The following RABGAP1L variants were observed in gnomAD, a reference collection of about 807,000 sequenced individuals.
RABGAP1L encodes rab GTPase-activating protein 1-like.
RABGAP1L carries 63 observed loss-of-function variants against 137.7 expected under a neutral mutation model. That is an observed-to-expected ratio of 0.46 (90% CI 0.37 to 0.56). RABGAP1L has a LOEUF of 0.56. Ranked by LOEUF, RABGAP1L falls within the 20% of genes least tolerant of loss-of-function variation. RABGAP1L has a pLI of 0.00. For missense variants in RABGAP1L, 1,095 were observed against 1,244.0 expected, an observed-to-expected ratio of 0.88 and a Z score of 1.80; for synonymous variants, 431 against 433.7, an observed-to-expected ratio of 0.99 and a Z score of 0.08.
chr1:174,612,217 T>C (rs1172859577), intron 13 of RABGAP1L, among the ~76,000 whole-genome samples: 2 of 152,222 alleles, frequency 1.3e-5, no homozygotes, highest in Admixed American at 6.5e-5. Flanking sequence ...CTTATTATTT[T>C]GAGATATGTC....
chr1:174,667,822 A>G (rs1417700653), intron 14 of RABGAP1L, among the ~76,000 whole-genome samples: 1 of 152,154 alleles, frequency 6.6e-6, no homozygotes, highest in Non-Finnish European at 1.5e-5. Context: ...TTCATTGTAC[A>G]TGTTGACCTC....
chr1:174,889,414 G>T (rs536557522), intron 19 of RABGAP1L, among the ~76,000 whole-genome samples: 2 of 151,862 alleles, frequency 1.3e-5, no homozygotes, highest in Non-Finnish European at 2.9e-5. Flanking sequence ...GAGCCACCGC[G>T]TCCGGCCCTG....
chr1:174,175,352 G>A, intron 1 of RABGAP1L, among the ~76,000 whole-genome samples: 1 of 152,120 alleles, frequency 6.6e-6, no homozygotes, highest in Non-Finnish European at 1.5e-5. Context: ...ATCTTAAAAA[G>A]CCTTTCTTGA....
chr1:174,808,108 C>G (rs1323531101), intron 18 of RABGAP1L, among the ~76,000 whole-genome samples: 1 of 151,720 alleles, frequency 6.6e-6, no homozygotes, highest in East Asian at 1.9e-4. Flanking sequence ...CTCAGCCTCC[C>G]CAGTAGCTGG....
chr1:174,551,544 T>C (rs1666546306), intron 13 of RABGAP1L, among the ~76,000 whole-genome samples: 1 of 152,134 alleles, frequency 6.6e-6, no homozygotes, highest in Non-Finnish European at 1.5e-5. Context: ...CAGCAGTAAG[T>C]GCTCACTTTT....
chr1:174,548,335 T>C (rs1363332603), intron 13 of RABGAP1L: 1 of 1,165,418 alleles, frequency 8.6e-7, no homozygotes, highest in Non-Finnish European at 1.1e-6. Flanking sequence ...ATAGTTTTTG[T>C]TTTTAAAGTG....
rs187031600 is a variant in RABGAP1L, at chr1:174,448,037, C to T, written c.1710+53892C>T. ...AAGCAGGTTCTGAAACACTCATGTG[C>T]GGTGTTTAACAGATGCTGGGCAGGG... On this transcript the variant is annotated intron_variant, in intron 13 of 25. Coordinates refer to ENST00000681986, the MANE Select transcript of RABGAP1L (RefSeq NM_001366446.1). The surrounding 1 kb of genome is among the most constrained non-coding windows in gnomAD (Gnocchi z 4.2). 1.0e-3 allele frequency: 1,267 copies of T among 1,230,712 alleles called. 7 individuals carry two copies. In the African/African-American group the frequency reaches 0.011, roughly 11 times the overall value. 76.2% of individuals were successfully genotyped at this position (1,230,712 alleles called of 1,614,324 possible).
At chr1:174,411,098 A>G (rs1649875922) in intron 13 of RABGAP1L, among the ~76,000 whole-genome samples, 1 of 152,116 alleles carries the variant, frequency 6.6e-6, no homozygotes, top group Admixed American at 6.6e-5. Flanking sequence ...TTTTATCTTA[A>G]AACTTTTCTG....
intron 19 of RABGAP1L, among the ~76,000 whole-genome samples, chr1:174,932,965 C>T (rs1382593866): frequency 6.6e-6 from 1 of 152,146 alleles, no homozygotes; most frequent in Admixed American, 6.5e-5. Context: ...TTTTGGTAGA[C>T]ACTGATATAT....
intron 13 of RABGAP1L, among the ~76,000 whole-genome samples, chr1:174,504,276 C>T (rs1451149374): frequency 6.6e-6 from 1 of 151,968 alleles, no homozygotes; most frequent in East Asian, 1.9e-4. Flanking sequence ...CCTGGCCAGA[C>T]TCAACACCCT....
At chr1:174,881,813 A>G (rs972643164) in intron 19 of RABGAP1L, among the ~76,000 whole-genome samples, 6 of 151,748 alleles carry the variant, frequency 4.0e-5, no homozygotes, top group Non-Finnish European at 8.8e-5. Flanking sequence ...TTTGCTTTTA[A>G]TTCCATGTTG....
intron 11 of RABGAP1L, among the ~76,000 whole-genome samples, chr1:174,368,493 A>G (rs1429123280): frequency 5.3e-5 from 8 of 152,296 alleles, no homozygotes; most frequent in African/African-American, 9.6e-5. Flanking sequence ...CTCTCTGTCA[A>G]TGTAATTGGT....
chr1:174,629,237 G>A (rs938784348), intron 13 of RABGAP1L, among the ~76,000 whole-genome samples: 5 of 152,170 alleles, frequency 3.3e-5, no homozygotes, highest in Admixed American at 2.0e-4. Flanking sequence ...TGGGTAATTG[G>A]AAGGTGGGTT....
intron 13 of RABGAP1L, among the ~76,000 whole-genome samples, chr1:174,438,118 C>A (rs920998967): frequency 2.6e-5 from 4 of 152,102 alleles, no homozygotes; most frequent in Admixed American, 2.6e-4. Context: ...CAAAAACATG[C>A]CAAATTGTAA....
intron 18 of RABGAP1L, among the ~76,000 whole-genome samples, chr1:174,769,710 G>A (rs945344494): frequency 1.4e-4 from 22 of 152,130 alleles, no homozygotes; most frequent in African/African-American, 5.1e-4. Flanking sequence ...GAAGTTAGCC[G>A]GGCATGGTGG....
At chr1:174,311,065 C>T (rs1211458903) in intron 11 of RABGAP1L, among the ~76,000 whole-genome samples, 1 of 152,078 alleles carries the variant, frequency 6.6e-6, no homozygotes. Flanking sequence ...CTACTATTCC[C>T]AGCCCCTGGT....
At position 174,864,989 on chromosome 1, in the gene RABGAP1L, C is replaced by CA. The variant is rs142971122; in HGVS notation, c.2340+53030dup. ...AAAATTAGCTGGATGTGGTGGCACA[C>CA]ACCTGTGGTCCCAGCTACTTGGGAG... is the stretch of plus-strand genomic sequence containing the variant. On this transcript the variant is annotated intron_variant, in intron 19 of 25. Coordinates refer to ENST00000681986, the MANE Select transcript of RABGAP1L (RefSeq NM_001366446.1). Among the ~76,000 whole-genome samples, 1,172 of 152,166 alleles carry CA rather than the reference C, an allele frequency of 7.7e-3. 15 individuals carry two copies. Among genetic ancestry groups the CA allele is most frequent in the African/African-American group, 0.027 (1,132 of 41,462 alleles).
chr1:174,216,542 C>T (rs1019048784), intron 1 of RABGAP1L, among the ~76,000 whole-genome samples: 2 of 151,062 alleles, frequency 1.3e-5, no homozygotes, highest in African/African-American at 4.9e-5. Context: ...TTTCCAATTC[C>T]TCCCTCTCTC....
At chr1:174,410,804 G>A (rs901021496) in intron 13 of RABGAP1L, among the ~76,000 whole-genome samples, 2 of 152,118 alleles carry the variant, frequency 1.3e-5, no homozygotes, top group African/African-American at 4.8e-5. Context: ...AATAGAAATA[G>A]CATTCAATCT....
Sources: allele counts gnomAD v4.1 joint callset (sites outside exome capture counted in the v4.1 genomes callset), GRCh38; gene constraint gnomAD v4.1.1; non-coding constraint Gnocchi (gnomAD v3.1); transcripts MANE v1.5; gene names NCBI Gene and HGNC (gene_info 2026-07-23, HGNC 2026-07-21).